CCR9: variants seen among roughly 807,000 people sequenced by gnomAD.
The protein encoded by CCR9 is C-C chemokine receptor type 9.
Under a neutral mutation model 8.7 loss-of-function variants are expected in CCR9, and 4 were observed. The observed-to-expected ratio is 0.46, with a 90% CI of 0.23 to 1.06. The LOEUF (loss-of-function observed/expected upper bound fraction) is 1.06, where lower values mean the gene tolerates loss of function less well. Among genes scored for constraint, CCR9 ranks in the 50% least tolerant of loss-of-function variants. CCR9 has a pLI of 0.21. For synonymous variants in CCR9, 159 were observed against 168.8 expected, an observed-to-expected ratio of 0.94 and a Z score of 0.45; for missense variants, 394 against 453.6, an observed-to-expected ratio of 0.87 and a Z score of 1.19.
At chr3:45,892,564 T>C (rs1575296405) in intron 1 of CCR9, among the ~76,000 whole-genome samples, 1 of 152,090 alleles carries the variant, frequency 6.6e-6, no homozygotes, top group African/African-American at 2.4e-5. Flanking sequence ...CCCTTGAGGA[T>C]GGAGGGAGGT....
At position 45,901,830 on chromosome 3, in the gene CCR9, A is replaced by C; in HGVS notation, c.1042A>C (p.Arg348=). The C allele has an allele frequency of 5.0e-6, 8 of 1,613,604 alleles. No homozygotes were observed. Among genetic ancestry groups the C allele is most frequent in the Non-Finnish European group, 6.8e-6 (8 of 1,179,516 alleles). Residue 348 remains arginine, a synonymous_variant, in exon 3 of 3, where the codon AGG becomes CGG. Coordinates refer to ENST00000357632, the MANE Select transcript of CCR9 (RefSeq NM_031200.3). This position sits in a 1 kb window ranked among gnomAD's most constrained non-coding sequence, Gnocchi z 4.3. The part of the protein sequence containing the change: ...ISQAQWVSFT[R]REGSLKLSSM... ...CCAGGCCCAGTGGGTTTCATTTACAAGGAGAGAGGGAAGCTTGAAGCTGTC... is the reference window on the plus strand; with the variant it reads ...CCAGGCCCAGTGGGTTTCATTTACACGGAGAGAGGGAAGCTTGAAGCTGTC...
At chr3:45,892,667 G>A (rs767967766) in intron 1 of CCR9, among the ~76,000 whole-genome samples, 15 of 151,994 alleles carry the variant, frequency 9.9e-5, no homozygotes, top group Admixed American at 2.6e-4. Context: ...CCCCCATGAC[G>A]CGCAATTTAC....
rs754245427 is a variant in CCR9, at chr3:45,901,599, A to G, written c.811A>G (p.Asn271Asp). The change falls in exon 3 of 3, where the codon AAC becomes GAC. Residue 271 changes from asparagine (N) to aspartate (D), a missense_variant. Transcript: ENST00000357632. This position sits in a 1 kb window ranked among gnomAD's most constrained non-coding sequence, Gnocchi z 4.3. ...TVFVLSQFPY[N>D]CILLVQTIDA... ...CTTTGTCTTGTCTCAGTTTCCCTAC[A>G]ACTGCATTTTGTTGGTGCAGACCAT... The G allele has an allele frequency of 1.7e-5, 28 of 1,614,074 alleles. No individual in the cohort carries two copies. The highest frequency in any genetic ancestry group is 2.3e-5 in the Non-Finnish European group (27 of 1,180,024).
At chr3:45,890,275 T>TATATATTTATATAA (rs1702113897) in intron 1 of CCR9, among the ~76,000 whole-genome samples, 2 of 85,138 alleles carry the variant, frequency 2.3e-5, no homozygotes, top group Non-Finnish European at 2.3e-5. Context: ...ATATAACATA[T>TATATATTTATATAA]ATATATATTT....
In CCR9 at chr3:45,890,308, T is replaced by TATATATTTATATAAATATATATATAAC. The variant is rs1702123455; in HGVS notation, c.-29+3659_-29+3660insTTATATAAATATATATATAACATATAT. Among the ~76,000 whole-genome samples the TATATATTTATATAAATATATATATAAC allele has an allele frequency of 2.8e-4, 22 of 77,344 alleles. 3 individuals are homozygous for TATATATTTATATAAATATATATATAAC. Among genetic ancestry groups the TATATATTTATATAAATATATATATAAC allele is most frequent in the African/African-American group, 2.1e-3 (15 of 7,026 alleles). The allele number at this position is 77,344 out of a possible 152,430, so 50.7% of individuals were successfully genotyped here. On this transcript the variant is annotated intron_variant, in intron 1 of 2. Coordinates refer to ENST00000357632, the MANE Select transcript of CCR9 (RefSeq NM_031200.3). ...TTTATATAAATATATATATAACATA[T>TATATATTTATATAAATATATATATAAC]ATATATATTTATATAAATATATATA...
At chr3:45,890,306 T>TATATATTTATATAAATATATATATAAC (rs1559421485) in intron 1 of CCR9, among the ~76,000 whole-genome samples, 6 of 15,452 alleles carry the variant, frequency 3.9e-4, no homozygotes, top group Non-Finnish European at 4.9e-4. Flanking sequence ...ATATATAACA[T>TATATATTTATATAAATATATATATAAC]ATATATATAT....
intron 1 of CCR9, among the ~76,000 whole-genome samples, chr3:45,892,960 A>C (rs1028009826): frequency 1.3e-5 from 2 of 152,198 alleles, no homozygotes; most frequent in African/African-American, 4.8e-5. Context: ...TTCCTGCCTT[A>C]CTTGAACAGC....
intron 1 of CCR9, among the ~76,000 whole-genome samples, chr3:45,888,230 G>A (rs1315589943): frequency 6.6e-6 from 1 of 152,106 alleles, no homozygotes; most frequent in East Asian, 1.9e-4. Flanking sequence ...TCATGCCTTA[G>A]TGCATATGTT....
Position 45,901,519 on chromosome 3 carries a change from C to T in CCR9, c.731C>T (p.Ala244Val). Residue 244 changes from alanine to valine, a missense_variant, in exon 3 of 3, where the codon GCC (alanine) becomes GTC (valine). By Grantham distance (64) the Ala-to-Val change is moderately conservative (BLOSUM62 0). Coordinates refer to ENST00000357632, the MANE Select transcript of CCR9 (RefSeq NM_031200.3). This position sits in a 1 kb window ranked among gnomAD's most constrained non-coding sequence, Gnocchi z 4.3. Reference protein sequence around the residue: ...YTIIIHTLIQAKKSSKHKALK... With the variant: ...YTIIIHTLIQVKKSSKHKALK... The stretch of plus-strand genomic sequence containing the variant: ...ATCATCATTCACACCCTGATACAAG[C>T]CAAGAAGTCTTCCAAGCACAAAGCC... 6.2e-7 allele frequency: 1 copy of T among 1,614,184 alleles called. No homozygotes were observed. Among genetic ancestry groups the T allele is most frequent in the East Asian group, 2.2e-5 (1 of 44,892 alleles).
At chr3:45,894,359 C>T (rs991616455) in intron 1 of CCR9, among the ~76,000 whole-genome samples, 12 of 152,176 alleles carry the variant, frequency 7.9e-5, no homozygotes, top group African/African-American at 2.9e-4. Flanking sequence ...GTGGGCACCA[C>T]CCAGCCCTCA....
chr3:45,891,103 C>CAAAA (rs1237957704), intron 1 of CCR9, among the ~76,000 whole-genome samples: 2 of 152,060 alleles, frequency 1.3e-5, no homozygotes, highest in Non-Finnish European at 2.9e-5. Flanking sequence ...ACTTTTGTAA[C>CAAAA]AAAAAAAGTC....
intron 1 of CCR9, among the ~76,000 whole-genome samples, chr3:45,890,610 C>T (rs984846816): frequency 6.6e-6 from 1 of 151,498 alleles, no homozygotes. Flanking sequence ...TCATGCCAAG[C>T]AGGAAGCAAT....
chr3:45,901,813 A>G lies in CCR9; in HGVS notation c.1025A>G (p.Gln342Arg), dbSNP rs746045378. Residue 342 changes from glutamine to arginine, a missense_variant, in exon 3 of 3, where the codon CAG becomes CGG. Gln to Arg is a conservative substitution (Grantham distance 43). Coordinates refer to ENST00000357632, the MANE Select transcript of CCR9 (RefSeq NM_031200.3). This position sits in a 1 kb window ranked among gnomAD's most constrained non-coding sequence, Gnocchi z 4.3. ...LKNLGCISQA[Q>R]WVSFTRREGS... ...AACTTGGGTTGCATCAGCCAGGCCC[A>G]GTGGGTTTCATTTACAAGGAGAGAG... The G allele has an allele frequency of 1.7e-5, 28 of 1,613,942 alleles. No individual in the cohort carries two copies. The highest frequency in any genetic ancestry group is 2.1e-5 in the Non-Finnish European group (25 of 1,179,924).
chr3:45,896,203 G>A (rs1447705208), intron 2 of CCR9, among the ~76,000 whole-genome samples: 1 of 152,240 alleles, frequency 6.6e-6, no homozygotes, highest in African/African-American at 2.4e-5. Context: ...TGTGGAAACA[G>A]AAGTAGATGA....
At chr3:45,890,273 T>TATATATATAAATATATATATATAAC (rs1702112353) in intron 1 of CCR9, among the ~76,000 whole-genome samples, 1 of 20,878 alleles carries the variant, frequency 4.8e-5, no homozygotes, top group Non-Finnish European at 1.2e-4. Flanking sequence ...ATATATAACA[T>TATATATATAAATATATATATATAAC]ATATATATAT....
Position 45,901,499 on chromosome 3 carries a change from C to A in CCR9, c.711C>A (p.Ile237=), listed in dbSNP as rs1395706481. The change falls in exon 3 of 3, where the codon ATC becomes ATA. Residue 237 remains isoleucine, a synonymous_variant. Transcript: ENST00000357632. This position sits in a 1 kb window ranked among gnomAD's most constrained non-coding sequence, Gnocchi z 4.3. Reference sequence around the variant, plus strand: ...TCATGGCTTGCTGCTATACCATCATCATTCACACCCTGATACAAGCCAAGA... The same window carrying A: ...TCATGGCTTGCTGCTATACCATCATAATTCACACCCTGATACAAGCCAAGA... The part of the protein sequence containing the change: ...FVVMACCYTI[I]IHTLIQAKKS... The A allele has an allele frequency of 6.2e-7, 1 of 1,614,058 alleles. No homozygotes were observed. The highest frequency in any genetic ancestry group is 1.1e-5 in the South Asian group (1 of 91,084).
chr3:45,889,549 C>G (rs980013137), intron 1 of CCR9, among the ~76,000 whole-genome samples: 1 of 151,982 alleles, frequency 6.6e-6, no homozygotes. Context: ...AAATTTTACA[C>G]ACTTGGTAAG....
intron 2 of CCR9, among the ~76,000 whole-genome samples, chr3:45,895,372 G>A (rs78426777): frequency 0.018 from 2,788 of 152,264 alleles, 41 homozygotes; most frequent in Non-Finnish European, 0.028. Flanking sequence ...ATGAAAACAC[G>A]TAACAGTATA....
rs1559426709 is a variant in CCR9 at position 45,900,973 on chromosome 3, G to C, written c.185G>C (p.Gly62Ala). 1 of 1,614,208 alleles carries C rather than the reference G, an allele frequency of 6.2e-7. No homozygotes were observed. Among genetic ancestry groups the C allele is most frequent in the Non-Finnish European group, 8.5e-7 (1 of 1,180,022 alleles). ...TTGTACTGGCTCGTGTTCATCGTGG[G>C]TGCCTTGGGCAACAGTCTTGTTATC... ...PPLYWLVFIV[G>A]ALGNSLVILV... The change falls in exon 3 of 3, where the codon GGT becomes GCT. Residue 62 changes from glycine (G) to alanine (A), a missense_variant. Physicochemically the swap from Gly to Ala is moderately conservative, Grantham distance 60 (BLOSUM62 0). Transcript: ENST00000357632. The surrounding 1 kb of genome is among the most constrained non-coding windows in gnomAD (Gnocchi z 4.7).
Sources: allele counts gnomAD v4.1 joint callset (sites outside exome capture counted in the v4.1 genomes callset), GRCh38; gene constraint gnomAD v4.1.1; non-coding constraint Gnocchi (gnomAD v3.1); transcripts MANE v1.5; gene names NCBI Gene and HGNC (gene_info 2026-07-23, HGNC 2026-07-21).